The following CXADR variants were observed in gnomAD, a reference collection of about 807,000 sequenced individuals.
CXADR encodes CXADR cell adhesion molecule, also known as coxsackievirus and adenovirus receptor.
A neutral mutation model predicts 40.3 loss-of-function variants in CXADR; 20 were observed. That is an observed-to-expected ratio of 0.50 (90% CI 0.35 to 0.72). CXADR has a LOEUF of 0.72. Among genes scored for constraint, CXADR ranks in the 30% least tolerant of loss-of-function variants. The probability of loss-of-function intolerance (pLI) is 0.01; values close to 1 mark genes in which losing one functional copy is unlikely to be tolerated. For missense variants in CXADR, 332 were observed against 449.1 expected (o/e 0.74, Z 2.36); for synonymous variants, 150 against 161.3 (o/e 0.93, Z 0.53).
At chr21:17,561,202 C>A in intron 5 of CXADR, 136 bp from the exon 6 acceptor site, 3 of 569,602 alleles carry the variant, frequency 5.3e-6, no homozygotes, top group South Asian at 4.3e-5. Flanking sequence ...GAATTTTTCC[C>A]CCGGATCAAA....
At chr21:17,539,801 G>A (rs928081735) in intron 1 of CXADR, among the ~76,000 whole-genome samples, 2 of 151,902 alleles carry the variant, frequency 1.3e-5, no homozygotes, top group African/African-American at 2.4e-5. Flanking sequence ...ATCATTTTGC[G>A]AATTCCCAAT....
At chr21:17,613,989 G>A in the CXADR span, 5 of 151,832 alleles carry the variant, frequency 3.3e-5, no homozygotes, top group Admixed American at 2.6e-4. Context: ...TTTTATGAAT[G>A]TTTTAAATTT....
chr21:17,541,369 G>A (rs1431061897), intron 1 of CXADR, among the ~76,000 whole-genome samples: 2 of 151,946 alleles, frequency 1.3e-5, no homozygotes, highest in East Asian at 1.9e-4. Context: ...TGGCTAACAC[G>A]GCGAAACCCC....
At chr21:17,556,295 C>G (rs894753283) in intron 3 of CXADR, among the ~76,000 whole-genome samples, 1 of 152,178 alleles carries the variant, frequency 6.6e-6, no homozygotes, top group Non-Finnish European at 1.5e-5. Context: ...AAGACTTGTA[C>G]TTCCTCTTCC....
intron 2 of CXADR, 148 bp downstream of exon 2, chr21:17,547,341 C>A: frequency 8.9e-7 from 1 of 1,122,314 alleles, no homozygotes; most frequent in Non-Finnish European, 1.2e-6. Context: ...GTGAGGAAGG[C>A]AATTGCTCTG....
chr21:17,613,091 C>G, the CXADR span: 1 of 152,102 alleles, frequency 6.6e-6, no homozygotes, highest in Non-Finnish European at 1.5e-5. Flanking sequence ...CACCCTCGCC[C>G]TACCCTGAGC....
chr21:17,591,820 C>T (rs972723174), intron 7 of CXADR, among the ~76,000 whole-genome samples: 7 of 151,800 alleles, frequency 4.6e-5, no homozygotes, highest in Non-Finnish European at 1.5e-5. Context: ...CTTAAGAGAA[C>T]AAAGCACCTA....
intron 3 of CXADR, among the ~76,000 whole-genome samples, chr21:17,553,147 T>C (rs1249933215): frequency 6.6e-6 from 1 of 152,138 alleles, no homozygotes; most frequent in Non-Finnish European, 1.5e-5. Flanking sequence ...GGTCTCAAAC[T>C]CCTGACCTCA....
intron 7 of CXADR, among the ~76,000 whole-genome samples, chr21:17,583,020 A>G (rs1475915245): frequency 1.3e-5 from 2 of 152,250 alleles, no homozygotes; most frequent in South Asian, 2.1e-4. Context: ...GATAGAAAAG[A>G]TATCAGTGAC....
downstream of CXADR, among the ~76,000 whole-genome samples, chr21:17,574,810 A>G (rs1256610386): frequency 1.3e-5 from 2 of 152,116 alleles, no homozygotes; most frequent in South Asian, 2.1e-4. Context: ...TTTGTTAGAT[A>G]TGCAAATGGA....
In CXADR at chr21:17,579,896, C is replaced by A. The variant is rs183758901; in HGVS notation, c.1018-13256C>A. ...TGTTGTATTTTATTAAAAAAAAAAA[C>A]AACCTTTCCTATTCATTTACTATTG... is the stretch of plus-strand genomic sequence containing the variant. On this transcript the variant is annotated intron_variant, in intron 7 of 7. Coordinates refer to the CXADR transcript ENST00000400169. Among the ~76,000 whole-genome samples, 768 of 148,022 alleles carry A rather than the reference C, an allele frequency of 5.2e-3. 31 individuals are homozygous for A. The East Asian group carries it at 0.095, about 18-fold the overall frequency.
chr21:17,614,602 G>C, the CXADR span, among the ~76,000 whole-genome samples: 2 of 152,088 alleles, frequency 1.3e-5, no homozygotes, highest in Non-Finnish European at 2.9e-5. Context: ...AATTAGCCAG[G>C]TGTGGTTGCA....
chr21:17,551,478 G>T (rs1305743850), intron 2 of CXADR, among the ~76,000 whole-genome samples: 1 of 152,178 alleles, frequency 6.6e-6, no homozygotes, highest in Non-Finnish European at 1.5e-5. Flanking sequence ...CTCTAGGACA[G>T]TATAGGGCTT....
chr21:17,514,808 A>G (rs963773771), intron 1 of CXADR, among the ~76,000 whole-genome samples: 3 of 151,404 alleles, frequency 2.0e-5, no homozygotes, highest in Non-Finnish European at 4.4e-5. Context: ...TAACTTTTTT[A>G]TTTTTAGTAG....
intron 1 of CXADR, among the ~76,000 whole-genome samples, chr21:17,543,848 G>T (rs1419753953): frequency 6.6e-6 from 1 of 152,144 alleles, no homozygotes; most frequent in Non-Finnish European, 1.5e-5. Flanking sequence ...ATGGGAAGAA[G>T]ATAAGTTTCT....
the CXADR span, chr21:17,611,998 G>C: frequency 6.6e-6 from 1 of 152,268 alleles, no homozygotes. Context: ...GCCATGAAGA[G>C]GGGAAATAAT....
chr21:17,553,071 C>CCT (rs200981491), intron 3 of CXADR, among the ~76,000 whole-genome samples: 2,058 of 152,242 alleles, frequency 0.014, 44 homozygotes, highest in African/African-American at 0.045. Flanking sequence ...TACAGGCATG[C>CCT]ACCACCACGC....
Position 17,567,942 on chromosome 21 carries a change from C to G in CXADR, c.*2250C>G, listed in dbSNP as rs1045278516. 4 of 983,160 alleles carry G rather than the reference C, an allele frequency of 4.1e-6. No individual in the cohort carries two copies. The African/African-American group carries it at 7.0e-5, about 17-fold the overall frequency. The allele number at this position is 983,160 out of a possible 1,614,324, so 60.9% of individuals were successfully genotyped here. A position where few individuals can be genotyped will look rare whatever the true frequency, so the allele number is the denominator to read the frequency against. On this transcript the variant is annotated 3_prime_UTR_variant, in exon 7 of 7. Transcript: ENST00000284878. ...ATTTTAGAGGACATTGTTTTAAAGG[C>G]TTATGTCTCACTGTAAAATTCTGTC...
the CXADR span, among the ~76,000 whole-genome samples, chr21:17,623,849 C>T: frequency 6.6e-6 from 1 of 152,148 alleles, no homozygotes; most frequent in African/African-American, 2.4e-5. Context: ...CTTGATTCAA[C>T]CTAATTTTCA....
Sources: allele counts gnomAD v4.1 joint callset (sites outside exome capture counted in the v4.1 genomes callset), GRCh38; gene constraint gnomAD v4.1.1; transcripts MANE v1.5; gene names NCBI Gene and HGNC (gene_info 2026-07-23, HGNC 2026-07-21).